The following EDIL3 variants were observed in gnomAD, a reference collection of about 807,000 sequenced individuals.
EDIL3 encodes the protein EGF-like repeat and discoidin I-like domain-containing protein 3.
EDIL3 carries 37 observed loss-of-function variants against 67.4 expected under a neutral mutation model. The ratio of observed to expected loss-of-function variants is 0.55; its 90% CI spans 0.42 to 0.72. The LOEUF is 0.72. EDIL3 is among the 30% of genes least tolerant of loss of function. The probability of loss-of-function intolerance (pLI) is 0.00; values close to 1 mark genes in which losing one functional copy is unlikely to be tolerated. For missense variants in EDIL3, 527 were observed against 586.3 expected (o/e 0.90, Z 1.04); for synonymous variants, 195 against 196.3 (o/e 0.99, Z 0.05).
At chr5:84,070,606 A>AGT (rs35930293) in intron 6 of EDIL3, among the ~76,000 whole-genome samples, 14,632 of 144,620 alleles carry the variant, frequency 0.1, 714 homozygotes, top group African/African-American at 0.11. Flanking sequence ...TATGGTTAAG[A>AGT]GTGTGTGTGT....
chr5:84,321,364 T>C (rs895066231), intron 1 of EDIL3, among the ~76,000 whole-genome samples: 13 of 152,156 alleles, frequency 8.5e-5, no homozygotes, highest in African/African-American at 3.1e-4. Flanking sequence ...CCATCTTCAA[T>C]TGTTGCCATT....
intron 3 of EDIL3, among the ~76,000 whole-genome samples, chr5:84,205,878 A>G (rs1191842021): frequency 2.0e-5 from 3 of 149,258 alleles, no homozygotes; most frequent in Non-Finnish European, 3.0e-5. Context: ...TGGATTCATT[A>G]ATTTTTTGAA....
At chr5:84,179,324 C>G (rs1391846021) in intron 4 of EDIL3, among the ~76,000 whole-genome samples, 1 of 152,156 alleles carries the variant, frequency 6.6e-6, no homozygotes, top group African/African-American at 2.4e-5. Flanking sequence ...AAATCAATAG[C>G]TTTTCATTGC....
chr5:84,079,790 C>G (rs1393064805), intron 6 of EDIL3, among the ~76,000 whole-genome samples: 1 of 152,018 alleles, frequency 6.6e-6, no homozygotes. Flanking sequence ...AACAGACAAG[C>G]ATGATCACCT....
At chr5:84,152,570 G>A (rs887048988) in intron 4 of EDIL3, among the ~76,000 whole-genome samples, 5 of 152,174 alleles carry the variant, frequency 3.3e-5, no homozygotes, top group Admixed American at 6.5e-5. Context: ...CCAATGACTT[G>A]TGAACTGGAC....
intron 1 of EDIL3, among the ~76,000 whole-genome samples, chr5:84,276,620 G>C (rs893328876): frequency 1.4e-4 from 22 of 151,978 alleles, no homozygotes; most frequent in African/African-American, 5.1e-4. Context: ...CCAAGCTGGA[G>C]TGTAGTGGCG....
intron 5 of EDIL3, among the ~76,000 whole-genome samples, chr5:84,127,245 T>C (rs1747884367): frequency 1.3e-5 from 2 of 152,096 alleles, no homozygotes. Flanking sequence ...AATTTTAGTA[T>C]TGGATTTACT....
intron 1 of EDIL3, among the ~76,000 whole-genome samples, chr5:84,364,638 T>C (rs1306629252): frequency 6.6e-6 from 1 of 152,166 alleles, no homozygotes; most frequent in Non-Finnish European, 1.5e-5. Flanking sequence ...ATTGTTCTTT[T>C]ATGGGGCCAT....
chr5:84,324,905 C>T (rs1746725026), intron 1 of EDIL3, among the ~76,000 whole-genome samples: 1 of 147,324 alleles, frequency 6.8e-6, no homozygotes, highest in South Asian at 2.2e-4. Flanking sequence ...AAGATTTAAT[C>T]AGGAGTCAAA....
At chr5:83,967,844 C>T (rs1455000181) in intron 9 of EDIL3, among the ~76,000 whole-genome samples, 1 of 152,086 alleles carries the variant, frequency 6.6e-6, no homozygotes, top group Non-Finnish European at 1.5e-5. Context: ...AATGTGAACA[C>T]AGGCCAGTTT....
chr5:84,130,569 A>G (rs1747947186), intron 5 of EDIL3, among the ~76,000 whole-genome samples: 1 of 152,136 alleles, frequency 6.6e-6, no homozygotes. Flanking sequence ...TATTTACTTC[A>G]GAATTTCTCT....
chr5:84,253,708 C>G (rs1238295616), intron 2 of EDIL3, among the ~76,000 whole-genome samples: 1 of 151,788 alleles, frequency 6.6e-6, no homozygotes, highest in Non-Finnish European at 1.5e-5. Context: ...TTCGAAGTCC[C>G]TAAAAACATC....
Position 84,271,624 on chromosome 5 carries a change from A to T in EDIL3, c.68-17412T>A, listed in dbSNP as rs145042549. On this transcript the variant is annotated intron_variant, in intron 1 of 10. Transcript: ENST00000296591. ...TACTGAAATTTACTTACCTCTGGAA[A>T]AGAAAATCTATTTTATGTTCACTTA... Among the ~76,000 whole-genome samples, 262 of 152,144 alleles carry T rather than the reference A, an allele frequency of 1.7e-3. 7 individuals are homozygous for T. Among genetic ancestry groups the T allele is most frequent in the Admixed American group, 0.012 (179 of 15,286 alleles).
intron 9 of EDIL3, among the ~76,000 whole-genome samples, chr5:83,980,557 G>GCA (rs1744953039): frequency 6.6e-6 from 1 of 151,228 alleles, no homozygotes. Flanking sequence ...GCCTGGTGGC[G>GCA]CACACTTGCA....
chr5:84,059,023 T>TA (rs1017463456), intron 9 of EDIL3, among the ~76,000 whole-genome samples: 15 of 152,028 alleles, frequency 9.9e-5, no homozygotes, highest in African/African-American at 2.9e-4. Context: ...TCTAGATCAA[T>TA]AAAAAATGTT....
intron 6 of EDIL3, among the ~76,000 whole-genome samples, chr5:84,104,154 C>G (rs529813440): frequency 1.2e-4 from 18 of 151,744 alleles, no homozygotes; most frequent in Non-Finnish European, 1.6e-4. Flanking sequence ...TCCCTTAGCA[C>G]CACTTACAGT....
In EDIL3 at chr5:84,119,846, C is replaced by T. The variant is rs147464375; in HGVS notation, c.470-13016G>A. 3.3e-3 allele frequency among the ~76,000 whole-genome samples: 499 copies of T among 152,014 alleles called. 5 individuals are homozygous for T. The highest frequency in any genetic ancestry group is 0.012 in the African/African-American group (478 of 41,486). ...AGAGTAAAGTAACAAACCATTTCCC[C>T]CCAAATTGAATAATACCTGATTTCT... On this transcript the variant is annotated intron_variant, in intron 5 of 10. Coordinates refer to ENST00000296591, the MANE Select transcript of EDIL3 (RefSeq NM_005711.5).
At chr5:84,323,974 A>G (rs867434233) in intron 1 of EDIL3, among the ~76,000 whole-genome samples, 1 of 151,944 alleles carries the variant, frequency 6.6e-6, no homozygotes, top group African/African-American at 2.4e-5. Context: ...AGAGACTTCA[A>G]TACACCATAC....
chr5:83,961,825 ATATT>A (rs1234865457), intron 10 of EDIL3, among the ~76,000 whole-genome samples: 1 of 151,386 alleles, frequency 6.6e-6, no homozygotes, highest in African/African-American at 2.4e-5. Context: ...AAAATATCTA[ATATT>A]TATTCAGTTT....
Sources: gnomAD v4.1 joint callset for allele counts (sites outside exome capture counted in the v4.1 genomes callset) on GRCh38, gnomAD v4.1.1 for gene constraint, MANE v1.5 for transcripts, NCBI Gene and HGNC (gene_info 2026-07-23, HGNC 2026-07-21) for gene names.